The following LYPD6B variants were observed in gnomAD, a reference collection of about 807,000 sequenced individuals.
LYPD6B encodes ly6/PLAUR domain-containing protein 6B.
In LYPD6B, 17 loss-of-function variants were observed where a neutral mutation model predicts 22.8. The observed-to-expected ratio is 0.75, with a 90% CI of 0.51 to 1.12. The LOEUF is 1.12. Ranked by LOEUF, LYPD6B falls within the 50% of genes most tolerant of loss-of-function variation. The pLI is 0.00. For missense variants in LYPD6B, 221 were observed against 258.3 expected, an observed-to-expected ratio of 0.86 and a Z score of 0.99; for synonymous variants, 106 against 91.6, an observed-to-expected ratio of 1.16 and a Z score of -0.90.
At chr2:149,076,104 G>A (rs575288733) in intron 1 of LYPD6B, among the ~76,000 whole-genome samples, 2 of 152,250 alleles carry the variant, frequency 1.3e-5, no homozygotes, top group South Asian at 4.1e-4. Context: ...AGGCGCGGGA[G>A]AATGGGTTTT....
intron 2 of LYPD6B, among the ~76,000 whole-genome samples, chr2:149,144,494 C>T (rs1028583072): frequency 3.3e-5 from 5 of 152,254 alleles, no homozygotes; most frequent in Non-Finnish European, 5.9e-5. Context: ...CAGGTTCAAG[C>T]GAGTCTCCTG....
intron 1 of LYPD6B, among the ~76,000 whole-genome samples, chr2:149,086,463 A>C (rs1265235462): frequency 6.6e-6 from 1 of 152,192 alleles, no homozygotes; most frequent in Admixed American, 6.5e-5. Context: ...GCTTCAAAGT[A>C]TCACAAAGAG....
intron 3 of LYPD6B, among the ~76,000 whole-genome samples, chr2:149,186,309 G>T (rs1692098281): frequency 6.6e-6 from 1 of 152,212 alleles, no homozygotes; most frequent in Admixed American, 6.5e-5. Flanking sequence ...AAAAGTGTGA[G>T]TGGTCTGGAT....
At chr2:149,123,712 A>C (rs1687519499) in intron 1 of LYPD6B, among the ~76,000 whole-genome samples, 1 of 152,088 alleles carries the variant, frequency 6.6e-6, no homozygotes, top group Non-Finnish European at 1.5e-5. Flanking sequence ...AAATACAAAA[A>C]TTAACCGGGC....
chr2:149,165,166 A>G (rs926653311), intron 3 of LYPD6B, among the ~76,000 whole-genome samples: 2 of 152,132 alleles, frequency 1.3e-5, no homozygotes, highest in Admixed American at 6.6e-5. Context: ...CCTCCTTGAC[A>G]TGACAGAACT....
chr2:149,050,270 G>A (rs1476921951), intron 1 of LYPD6B, among the ~76,000 whole-genome samples: 5 of 151,806 alleles, frequency 3.3e-5, no homozygotes, highest in African/African-American at 7.3e-5. Flanking sequence ...TTTTCTTCTC[G>A]GGGGCCCTTA....
At chr2:149,147,944 A>G (rs576494491) in intron 2 of LYPD6B, among the ~76,000 whole-genome samples, 1 of 66,524 alleles carries the variant, frequency 1.5e-5, no homozygotes, top group South Asian at 3.4e-4. Context: ...GTGTGTGTAT[A>G]GTCAGAGATG....
chr2:149,082,822 T>C (rs893009355), intron 1 of LYPD6B, among the ~76,000 whole-genome samples: 1 of 152,176 alleles, frequency 6.6e-6, no homozygotes, highest in Non-Finnish European at 1.5e-5. Flanking sequence ...ATAATCACGA[T>C]GTAGTAAGGC....
rs763088100 is a variant in LYPD6B, at chr2:149,178,008, A to G, written c.77+17173A>G. 3.3e-5 allele frequency among the ~76,000 whole-genome samples: 5 copies of G among 152,162 alleles called. No homozygotes were observed. The East Asian group carries it at 9.6e-4, about 29-fold the overall frequency. On this transcript the variant is annotated intron_variant, in intron 3 of 6. Transcript: ENST00000409642. ...TGTACTATATCCCTAACATTTAAGTATTACTGTCCTGATTTATAGAAGAGA... is the reference window on the plus strand; with the variant it reads ...TGTACTATATCCCTAACATTTAAGTGTTACTGTCCTGATTTATAGAAGAGA...
intron 3 of LYPD6B, among the ~76,000 whole-genome samples, chr2:149,194,950 G>A (rs969444192): frequency 2.6e-5 from 4 of 152,192 alleles, no homozygotes; most frequent in Non-Finnish European, 5.9e-5. Flanking sequence ...GTACTAGGCC[G>A]TTGTTGAACA....
chr2:149,168,668 G>A (rs1690599776), intron 3 of LYPD6B, among the ~76,000 whole-genome samples: 2 of 152,192 alleles, frequency 1.3e-5, no homozygotes, highest in Admixed American at 6.5e-5. Flanking sequence ...AAGGGTAAAG[G>A]TTGTTATTCC....
chr2:149,104,869 T>C (rs1215842093), intron 1 of LYPD6B, among the ~76,000 whole-genome samples: 1 of 152,188 alleles, frequency 6.6e-6, no homozygotes, highest in Non-Finnish European at 1.5e-5. Context: ...ATGATCCATA[T>C]TCACTTATTG....
intron 1 of LYPD6B, among the ~76,000 whole-genome samples, chr2:149,128,665 A>G (rs17432490): frequency 0.23 from 35,066 of 152,080 alleles, 4,262 homozygotes; most frequent in Non-Finnish European, 0.27. Context: ...GAATGTGAAC[A>G]TTTCCTAAAT....
intron 1 of LYPD6B, among the ~76,000 whole-genome samples, chr2:149,086,736 G>C (rs141483281): frequency 2.6e-5 from 4 of 152,260 alleles, no homozygotes; most frequent in African/African-American, 9.6e-5. Context: ...CAATTCTGAG[G>C]CTGGGAGTCC....
At chr2:149,098,950 C>G (rs992913038) in intron 1 of LYPD6B, among the ~76,000 whole-genome samples, 6 of 152,072 alleles carry the variant, frequency 3.9e-5, no homozygotes, top group African/African-American at 1.2e-4. Flanking sequence ...GACCAGCTGC[C>G]AAAACAATTG....
chr2:149,070,470 C>G (rs1457936082), intron 1 of LYPD6B, among the ~76,000 whole-genome samples: 1 of 152,090 alleles, frequency 6.6e-6, no homozygotes, highest in Admixed American at 6.6e-5. Context: ...ATCTCCTTCC[C>G]CCCTCATATA....
At chr2:149,211,835 A>G (rs1276036060) in intron 5 of LYPD6B, among the ~76,000 whole-genome samples, 1 of 152,208 alleles carries the variant, frequency 6.6e-6, no homozygotes, top group Non-Finnish European at 1.5e-5. Flanking sequence ...CCAAAGAATA[A>G]TGTCCTAGGA....
intron 2 of LYPD6B, among the ~76,000 whole-genome samples, chr2:149,151,065 G>A (rs1047848688): frequency 6.6e-6 from 1 of 152,066 alleles, no homozygotes; most frequent in African/African-American, 2.4e-5. Context: ...TATTGTCTCT[G>A]AGGTCAATGT....
chr2:149,052,835 A>G (rs989960426), intron 1 of LYPD6B, among the ~76,000 whole-genome samples: 9 of 152,360 alleles, frequency 5.9e-5, no homozygotes, highest in African/African-American at 1.9e-4. Context: ...ATTTATGTTT[A>G]TTATGGAAAA....
Sources: allele counts gnomAD v4.1 joint callset (sites outside exome capture counted in the v4.1 genomes callset), GRCh38; gene constraint gnomAD v4.1.1; transcripts MANE v1.5; gene names NCBI Gene and HGNC (gene_info 2026-07-23, HGNC 2026-07-21).